The following CSMD1 variants were observed in gnomAD, a reference collection of about 807,000 sequenced individuals.
CSMD1 encodes CUB and sushi domain-containing protein 1.
Under a neutral mutation model 417.5 loss-of-function variants are expected in CSMD1, and 213 were observed. The observed-to-expected ratio is 0.51, with a 90% CI of 0.46 to 0.57. CSMD1 has a LOEUF of 0.57. Ranked by LOEUF, CSMD1 falls within the 20% of genes least tolerant of loss-of-function variation. The probability of loss-of-function intolerance (pLI) is 0.00; values close to 1 mark genes in which losing one functional copy is unlikely to be tolerated. For missense variants in CSMD1, 6,923 were observed against 4,529.7 expected, an observed-to-expected ratio of 1.53 and a Z score of -15.17; for synonymous variants, 2,862 against 1,736.8, an observed-to-expected ratio of 1.65 and a Z score of -16.11.
At chr8:3,802,902 AG>A (rs1800535469) in intron 5 of CSMD1, among the ~76,000 whole-genome samples, 1 of 152,172 alleles carries the variant, frequency 6.6e-6, no homozygotes, top group African/African-American at 2.4e-5. Context: ...GATTTGACAA[AG>A]GAAAACAGGA....
At chr8:3,228,922 G>T (rs111783816) in intron 27 of CSMD1, among the ~76,000 whole-genome samples, 285 of 152,080 alleles carry the variant, frequency 1.9e-3, no homozygotes, top group African/African-American at 6.5e-3. Flanking sequence ...TGAGTAAAAC[G>T]CGTGACTGTG....
intron 12 of CSMD1, among the ~76,000 whole-genome samples, chr8:3,462,201 C>T (rs1265185319): frequency 6.6e-6 from 1 of 152,150 alleles, no homozygotes; most frequent in Non-Finnish European, 1.5e-5. Context: ...TGTTCTGGTC[C>T]CTCCCTGGGG....
At chr8:3,815,969 G>C (rs1163837249) in intron 5 of CSMD1, among the ~76,000 whole-genome samples, 2 of 152,108 alleles carry the variant, frequency 1.3e-5, no homozygotes, top group African/African-American at 4.8e-5. Context: ...CCTCCAATAG[G>C]TTTACTTGAT....
chr8:4,738,372 A>G (rs565171313), intron 1 of CSMD1, among the ~76,000 whole-genome samples: 1 of 152,306 alleles, frequency 6.6e-6, no homozygotes, highest in African/African-American at 2.4e-5. Context: ...TCGTAGCAAA[A>G]GGGCAGCAAA....
chr8:3,606,131 G>A (rs960054917), intron 8 of CSMD1, among the ~76,000 whole-genome samples: 3 of 152,354 alleles, frequency 2.0e-5, no homozygotes, highest in Non-Finnish European at 2.9e-5. Context: ...GAAGCTGGGT[G>A]TAAAGAGCCC....
At chr8:3,592,648 G>T (rs1005892451) in intron 8 of CSMD1, among the ~76,000 whole-genome samples, 1 of 152,046 alleles carries the variant, frequency 6.6e-6, no homozygotes, top group Non-Finnish European at 1.5e-5. Context: ...AAGGGTCTAT[G>T]TGTGTGTTTA....
At chr8:4,444,934 T>C (rs1156805890) in intron 2 of CSMD1, among the ~76,000 whole-genome samples, 1 of 152,178 alleles carries the variant, frequency 6.6e-6, no homozygotes, top group East Asian at 1.9e-4. Context: ...CCTTCTTCAT[T>C]TACATAAAAT....
chr8:3,580,377 G>T (rs1476622518), intron 9 of CSMD1, among the ~76,000 whole-genome samples: 1 of 152,104 alleles, frequency 6.6e-6, no homozygotes, highest in African/African-American at 2.4e-5. Flanking sequence ...GGCATAAATG[G>T]ACAGTCACAG....
chr8:4,923,159 C>A (rs1436565568), intron 1 of CSMD1, among the ~76,000 whole-genome samples: 3 of 152,128 alleles, frequency 2.0e-5, no homozygotes, highest in African/African-American at 7.2e-5. Context: ...ATAATACCAT[C>A]AATTTTTCAG....
intron 5 of CSMD1, among the ~76,000 whole-genome samples, chr8:3,910,235 T>A (rs921724048): frequency 2.0e-5 from 3 of 151,862 alleles, no homozygotes; most frequent in African/African-American, 7.3e-5. Flanking sequence ...AATTGTGGGG[T>A]GGGGAGGAAA....
chr8:4,188,964 G>C (rs1189639308), intron 3 of CSMD1, among the ~76,000 whole-genome samples: 1 of 152,188 alleles, frequency 6.6e-6, no homozygotes, highest in African/African-American at 2.4e-5. Flanking sequence ...GCCCTGTGTT[G>C]AGGGGACCCA....
At chr8:3,979,769 G>C (rs986704546) in intron 5 of CSMD1, among the ~76,000 whole-genome samples, 1 of 152,184 alleles carries the variant, frequency 6.6e-6, no homozygotes, top group Admixed American at 6.5e-5. Flanking sequence ...AAATAAGTGT[G>C]TGTTATTTAA....
intron 3 of CSMD1, among the ~76,000 whole-genome samples, chr8:4,074,625 G>A (rs1339407292): frequency 1.3e-5 from 2 of 151,980 alleles, no homozygotes; most frequent in Non-Finnish European, 2.9e-5. Flanking sequence ...CATTTGGGCA[G>A]AACTCACTTT....
chr8:3,357,011 C>T (rs543320407), intron 21 of CSMD1, among the ~76,000 whole-genome samples: 37 of 151,916 alleles, frequency 2.4e-4, no homozygotes, highest in African/African-American at 8.9e-4. Flanking sequence ...CCAGGGAAAG[C>T]ATCAGGGGGA....
chr8:4,700,534 C>T (rs553619095), intron 1 of CSMD1, among the ~76,000 whole-genome samples: 1 of 151,962 alleles, frequency 6.6e-6, no homozygotes. Flanking sequence ...AATAGAGAGA[C>T]AAGATATTTC....
intron 3 of CSMD1, among the ~76,000 whole-genome samples, chr8:4,396,536 G>C (rs62480974): frequency 0.049 from 7,405 of 152,016 alleles, 372 homozygotes; most frequent in African/African-American, 0.13. Flanking sequence ...TACTTGCACA[G>C]TTAAGTTTAT....
intron 1 of CSMD1, among the ~76,000 whole-genome samples, chr8:4,671,009 C>T (rs1011428259): frequency 1.3e-5 from 2 of 152,204 alleles, no homozygotes; most frequent in East Asian, 1.9e-4. Context: ...TTAAGCTTGC[C>T]TACATTGGCT....
At chr8:3,341,344 C>A (rs928780026) in intron 23 of CSMD1, among the ~76,000 whole-genome samples, 2 of 152,156 alleles carry the variant, frequency 1.3e-5, no homozygotes, top group Admixed American at 6.5e-5. Context: ...TACATTGATT[C>A]CAAGCCCCTG....
intron 25 of CSMD1, among the ~76,000 whole-genome samples, chr8:3,285,839 T>C (rs1803112043): frequency 6.6e-6 from 1 of 151,262 alleles, no homozygotes; most frequent in South Asian, 2.1e-4. Context: ...ATATATATTT[T>C]ATTATTATTA....
Sources: allele counts gnomAD v4.1 joint callset (sites outside exome capture counted in the v4.1 genomes callset), GRCh38; gene constraint gnomAD v4.1.1; transcripts MANE v1.5; gene names NCBI Gene and HGNC (gene_info 2026-07-23, HGNC 2026-07-21).